CDADC1: variants seen among roughly 807,000 people sequenced by gnomAD.
CDADC1 encodes cytidine and dCMP deaminase domain containing 1.
CDADC1 carries 39 observed loss-of-function variants against 54.9 expected under a neutral mutation model. The ratio of observed to expected loss-of-function variants is 0.71; its 90% confidence interval spans 0.55 to 0.93. The LOEUF (loss-of-function observed/expected upper bound fraction) is 0.93, where lower values mean the gene tolerates loss of function less well. CDADC1 is among the 40% of genes least tolerant of loss of function. CDADC1 has a pLI of 0.00. For missense variants in CDADC1, 518 were observed against 618.8 expected (o/e 0.84, Z 1.73); for synonymous variants, 186 against 204.0 (o/e 0.91, Z 0.75).
At chr13:49,282,901 T>C (rs1448457609) in intron 8 of CDADC1, among the ~76,000 whole-genome samples, 2 of 152,224 alleles carry the variant, frequency 1.3e-5, no homozygotes, top group Admixed American at 1.3e-4. Context: ...GTGGAAAAAC[T>C]TCCATGAAAC....
intron 2 of CDADC1, among the ~76,000 whole-genome samples, chr13:49,249,178 G>A (rs1593779884): frequency 6.6e-6 from 1 of 152,112 alleles, no homozygotes; most frequent in Non-Finnish European, 1.5e-5. Flanking sequence ...TGTTTATCGG[G>A]TACTAATGGT....
intron 6 of CDADC1, among the ~76,000 whole-genome samples, chr13:49,275,720 TATATATAGAGAG>T (rs1953102773): frequency 3.4e-4 from 9 of 26,148 alleles, no homozygotes; most frequent in Non-Finnish European, 4.1e-4. Context: ...TATATATATA[TATATATAGAGAG>T]AGAGAGAGAG....
At position 49,267,474 on chromosome 13, in the gene CDADC1, G is replaced by A. The variant is rs149910840; in HGVS notation, c.431-16G>A. ...AGCATGTATCTCATAATTACCTTTC[G>A]TATTTTGTATTTCAGCTGGAGTTAA... On this transcript the variant is annotated splice_polypyrimidine_tract_variant and intron_variant, in intron 4 of 9. Coordinates refer to ENST00000251108, the MANE Select transcript of CDADC1 (RefSeq NM_030911.4). 5.1e-5 allele frequency: 82 copies of A among 1,596,896 alleles called. No individual in the cohort carries two copies. The African/African-American group carries it at 6.2e-4, about 12-fold the overall frequency.
intron 9 of CDADC1, among the ~76,000 whole-genome samples, 167 bp downstream of exon 9, chr13:49,286,449 T>C (rs1277113348): frequency 6.6e-6 from 1 of 152,232 alleles, no homozygotes; most frequent in Admixed American, 6.5e-5. Flanking sequence ...GTCTACCATA[T>C]GCTAGGTGCT....
chr13:49,255,988 T>A (rs565775422), intron 3 of CDADC1, 75 bp downstream of exon 3: 2 of 1,534,896 alleles, frequency 1.3e-6, no homozygotes, highest in African/African-American at 2.8e-5. Flanking sequence ...AGAATAAAAG[T>A]GCCTCCATTT....
chr13:49,264,851 CTG>C (rs1952779229), intron 4 of CDADC1, among the ~76,000 whole-genome samples: 1 of 152,148 alleles, frequency 6.6e-6, no homozygotes, highest in South Asian at 2.1e-4. Flanking sequence ...GTTTAACTCA[CTG>C]AATTCATAAT....
intron 4 of CDADC1, chr13:49,266,026 T>A: frequency 8.7e-7 from 1 of 1,147,992 alleles, no homozygotes; most frequent in Non-Finnish European, 1.2e-6. Context: ...CAAAATTGCT[T>A]TGCAGCATAA....
chr13:49,291,170 G>GTTTT lies in CDADC1; in HGVS notation c.1472-503_1472-500dup, dbSNP rs11428391. Among the ~76,000 whole-genome samples, 608 of 142,166 alleles carry GTTTT rather than the reference G, an allele frequency of 4.3e-3. 5 individuals carry two copies. The highest frequency in any genetic ancestry group is 0.014 in the African/African-American group (522 of 38,570). 93.3% of individuals were successfully genotyped at this position (142,166 alleles called of 152,430 possible). ...CACTGTTGAGTGAATTCAGTTTTTG[G>GTTTT]TTTTTTTTTTTTTTGAGACAGGGTC... On this transcript the variant is annotated intron_variant, in intron 9 of 9. Coordinates refer to ENST00000251108, the MANE Select transcript of CDADC1 (RefSeq NM_030911.4).
chr13:49,253,775 G>A (rs1398443293), intron 2 of CDADC1, among the ~76,000 whole-genome samples: 2 of 152,074 alleles, frequency 1.3e-5, no homozygotes. Flanking sequence ...GCTAACTCCT[G>A]GGCTCAAGCA....
chr13:49,279,072 A>G (rs776197344), intron 7 of CDADC1, among the ~76,000 whole-genome samples: 16 of 152,188 alleles, frequency 1.1e-4, no homozygotes, highest in Non-Finnish European at 1.2e-4. Flanking sequence ...ATTTATAATG[A>G]ACCAAATTGC....
At chr13:49,268,128 A>C in intron 5 of CDADC1, 69 bp downstream of exon 5, 2 of 1,236,298 alleles carry the variant, frequency 1.6e-6, no homozygotes, top group Non-Finnish European at 2.3e-6. Context: ...TGTTCGTCTC[A>C]TTTATGGTAG....
At chr13:49,288,376 G>A (rs1953586552) in intron 9 of CDADC1, among the ~76,000 whole-genome samples, 1 of 152,052 alleles carries the variant, frequency 6.6e-6, no homozygotes. Context: ...GTAGATTCAC[G>A]AAGTTGTACA....
intron 4 of CDADC1, among the ~76,000 whole-genome samples, 186 bp downstream of exon 4, chr13:49,259,709 TG>T (rs1952628127): frequency 1.3e-5 from 2 of 152,122 alleles, no homozygotes; most frequent in African/African-American, 4.8e-5. Context: ...TAGCTAGGCA[TG>T]GTGATGCACG....
intron 5 of CDADC1, among the ~76,000 whole-genome samples, chr13:49,268,788 TAG>T (rs1952892316): frequency 6.6e-6 from 1 of 152,220 alleles, no homozygotes; most frequent in Non-Finnish European, 1.5e-5. Context: ...AAATAACTAA[TAG>T]AATCAAGGTA....
chr13:49,270,029 T>C (rs1005914048), intron 5 of CDADC1, among the ~76,000 whole-genome samples: 4 of 142,846 alleles, frequency 2.8e-5, no homozygotes, highest in Non-Finnish European at 6.2e-5. Context: ...AGGGTGCAAC[T>C]CCTCTGTCAC....
intron 3 of CDADC1, among the ~76,000 whole-genome samples, chr13:49,258,484 G>C (rs1027295661): frequency 6.6e-6 from 1 of 152,002 alleles, no homozygotes; most frequent in African/African-American, 2.4e-5. Context: ...TACCAGCTTT[G>C]ATTAGTATTT....
chr13:49,249,905 G>T (rs1341812085), intron 2 of CDADC1, among the ~76,000 whole-genome samples: 1 of 152,128 alleles, frequency 6.6e-6, no homozygotes. Flanking sequence ...CATCATTTCT[G>T]TTTGATAATT....
intron 7 of CDADC1, among the ~76,000 whole-genome samples, chr13:49,279,534 C>T (rs889497779): frequency 6.6e-6 from 1 of 152,150 alleles, no homozygotes; most frequent in Non-Finnish European, 1.5e-5. Flanking sequence ...CTCACAAGGA[C>T]AGGCTGGGAC....
chr13:49,269,447 C>T (rs182416364), intron 5 of CDADC1, among the ~76,000 whole-genome samples: 4 of 152,134 alleles, frequency 2.6e-5, no homozygotes, highest in African/African-American at 9.7e-5. Flanking sequence ...TTCTGATGTT[C>T]GCAGAGTTAA....
Sources: allele counts gnomAD v4.1 joint callset (sites outside exome capture counted in the v4.1 genomes callset), GRCh38; gene constraint gnomAD v4.1.1; transcripts MANE v1.5; gene names NCBI Gene and HGNC (gene_info 2026-07-23, HGNC 2026-07-21).